RAP1B: variants seen among roughly 807,000 people sequenced by gnomAD.
The protein encoded by RAP1B is RAP1B, member of RAS oncogene family.
A neutral mutation model predicts 27.5 loss-of-function variants in RAP1B; 1 was observed. That is an observed-to-expected ratio of 0.04 (90% CI 0.01 to 0.17). RAP1B has a LOEUF of 0.17. RAP1B is among the 10% of genes least tolerant of loss of function. The pLI is 1.00. For missense variants in RAP1B, 84 were observed against 214.8 expected (o/e 0.39, Z 3.81); for synonymous variants, 75 against 73.1 (o/e 1.03, Z -0.13).
chr12:68,662,430 T>C lies in RAP1B; in HGVS notation c.*3181T>C, dbSNP rs1007187371. The C allele has an allele frequency of 6.6e-6, 1 of 152,094 alleles. No homozygotes were observed. The highest frequency in any genetic ancestry group is 2.4e-5 in the African/African-American group (1 of 41,432). 9.4% of individuals were successfully genotyped at this position (152,094 alleles called of 1,614,324 possible). A position where few individuals can be genotyped will look rare whatever the true frequency, so the allele number is the denominator to read the frequency against. Reference sequence around the variant, plus strand: ...TTCTTAAACGTAAATAGCTCATCTTTACCATATGTGGGCATTACAAATAGA... The same window carrying C: ...TTCTTAAACGTAAATAGCTCATCTTCACCATATGTGGGCATTACAAATAGA... On this transcript the variant is annotated 3_prime_UTR_variant, in exon 8 of 8. Coordinates refer to ENST00000250559, the MANE Select transcript of RAP1B (RefSeq NM_001010942.3).
intron 1 of RAP1B, chr12:68,624,445 C>A (rs189668791): frequency 4.9e-4 from 74 of 152,036 alleles, no homozygotes; most frequent in African/African-American, 1.7e-3. Flanking sequence ...TGTAAGAATA[C>A]AATAGATTAG....
chr12:68,655,981 A>G (rs1874176616), intron 5 of RAP1B, among the ~76,000 whole-genome samples: 1 of 152,148 alleles, frequency 6.6e-6, no homozygotes. Flanking sequence ...TTTATGTAAA[A>G]GTGTCTTATT....
intron 1 of RAP1B, among the ~76,000 whole-genome samples, chr12:68,635,800 G>A (rs1262785170): frequency 6.6e-6 from 1 of 151,974 alleles, no homozygotes; most frequent in African/African-American, 2.4e-5. Context: ...ATTTCAAACT[G>A]GGGTTAGGGG....
chr12:68,612,162 G>A (rs1870650115), intron 1 of RAP1B, among the ~76,000 whole-genome samples: 1 of 152,112 alleles, frequency 6.6e-6, no homozygotes, highest in South Asian at 2.1e-4. Context: ...AATTAATTCC[G>A]TCTAATTGGA....
At chr12:68,645,339 C>T (rs1047258901) in intron 1 of RAP1B, among the ~76,000 whole-genome samples, 1 of 152,244 alleles carries the variant, frequency 6.6e-6, no homozygotes, top group Non-Finnish European at 1.5e-5. Context: ...GCTGTGCTGT[C>T]AAAATTGTCC....
chr12:68,658,196 A>G (rs556053277), intron 7 of RAP1B, among the ~76,000 whole-genome samples: 2 of 152,354 alleles, frequency 1.3e-5, no homozygotes, highest in South Asian at 4.1e-4. Context: ...CAGTGCTGCC[A>G]TAGCACTTTG....
intron 1 of RAP1B, among the ~76,000 whole-genome samples, chr12:68,611,304 G>A (rs961860248): frequency 2.7e-5 from 4 of 150,870 alleles, no homozygotes; most frequent in African/African-American, 9.7e-5. Flanking sequence ...TGCGGAAGGG[G>A]TCAAATGTCT....
chr12:68,636,933 C>T (rs1230804863), intron 1 of RAP1B, among the ~76,000 whole-genome samples: 1 of 152,126 alleles, frequency 6.6e-6, no homozygotes, highest in African/African-American at 2.4e-5. Flanking sequence ...AGATTCCAGG[C>T]ATGAGCCACC....
chr12:68,638,918 C>A (rs558786800), intron 1 of RAP1B, among the ~76,000 whole-genome samples: 1 of 152,112 alleles, frequency 6.6e-6, no homozygotes, highest in African/African-American at 2.4e-5. Context: ...GCCTCGGCCC[C>A]GCAAAGTGCT....
intron 1 of RAP1B, among the ~76,000 whole-genome samples, chr12:68,641,716 T>A (rs556493771): frequency 3.6e-4 from 54 of 151,854 alleles, no homozygotes; most frequent in African/African-American, 1.3e-3. Context: ...CCAAAAAATA[T>A]ATTCAAAGAT....
chr12:68,630,380 G>A (rs987337116), intron 1 of RAP1B, among the ~76,000 whole-genome samples: 1 of 152,100 alleles, frequency 6.6e-6, no homozygotes, highest in African/African-American at 2.4e-5. Context: ...AACTTTATGA[G>A]TGTGACTGTG....
rs1169818193 is a variant in RAP1B, at chr12:68,670,383, CAG to C, written c.*11135_*11136del. 6.6e-6 allele frequency: 1 copy of C among 152,078 alleles called. No individual in the cohort carries two copies. 9.4% of individuals were successfully genotyped at this position (152,078 alleles called of 1,614,324 possible). ...AATGTTTTCAAGCTATAAAGTAAAACAGTAGAAGTCTTAGAAGAAAATCTAAG... is the reference window on the plus strand; with the variant it reads ...AATGTTTTCAAGCTATAAAGTAAAACTAGAAGTCTTAGAAGAAAATCTAAG... On this transcript the variant is annotated 3_prime_UTR_variant, in exon 8 of 8. Coordinates refer to ENST00000250559, the MANE Select transcript of RAP1B (RefSeq NM_001010942.3).
In RAP1B at chr12:68,667,686, G is replaced by C. The variant is rs1255941551; in HGVS notation, c.*8437G>C. ...CTTACAGTTCCCAGAAGTCAATTCAGTCATTCTCTATAAGAGCTGTTGTGG... is the reference window on the plus strand; with the variant it reads ...CTTACAGTTCCCAGAAGTCAATTCACTCATTCTCTATAAGAGCTGTTGTGG... On this transcript the variant is annotated 3_prime_UTR_variant, in exon 8 of 8. Coordinates refer to ENST00000250559, the MANE Select transcript of RAP1B (RefSeq NM_001010942.3). The C allele has an allele frequency of 6.6e-6, 1 of 152,174 alleles. No individual in the cohort carries two copies. Among genetic ancestry groups the C allele is most frequent in the Non-Finnish European group, 1.5e-5 (1 of 68,034 alleles). The allele number at this position is 152,174 out of a possible 1,614,324, so 9.4% of individuals were successfully genotyped here. A position where few individuals can be genotyped will look rare whatever the true frequency, so the allele number is the denominator to read the frequency against.
intron 1 of RAP1B, chr12:68,624,809 C>G (rs1056793217): frequency 2.0e-5 from 3 of 152,246 alleles, no homozygotes; most frequent in Admixed American, 2.0e-4. Flanking sequence ...AGTGAGACTC[C>G]GTCTCAAACA....
chr12:68,614,055 A>C (rs1284804914), intron 1 of RAP1B, among the ~76,000 whole-genome samples: 1 of 152,206 alleles, frequency 6.6e-6, no homozygotes, highest in Non-Finnish European at 1.5e-5. Flanking sequence ...CTTCCTATCT[A>C]ATTCAAGATT....
chr12:68,656,632 A>G (rs1051132339), intron 6 of RAP1B, 183 bp downstream of exon 6: 2 of 624,442 alleles, frequency 3.2e-6, no homozygotes, highest in Non-Finnish European at 5.5e-6. Flanking sequence ...TTCAGTCTCT[A>G]TTAAATACTT....
At chr12:68,632,942 G>T (rs528338858) in intron 1 of RAP1B, among the ~76,000 whole-genome samples, 2 of 152,238 alleles carry the variant, frequency 1.3e-5, no homozygotes, top group Admixed American at 6.5e-5. Context: ...AAGTAACTGG[G>T]ACTATAGATG....
intron 1 of RAP1B, among the ~76,000 whole-genome samples, chr12:68,626,353 T>C (rs1269049689): frequency 6.6e-6 from 1 of 152,246 alleles, no homozygotes; most frequent in East Asian, 1.9e-4. Context: ...GCTTGAAATA[T>C]GTGAAAGTAG....
intron 1 of RAP1B, among the ~76,000 whole-genome samples, chr12:68,637,942 T>C (rs1872744358): frequency 6.6e-6 from 1 of 152,106 alleles, no homozygotes; most frequent in South Asian, 2.1e-4. Context: ...ATGAGTTAAT[T>C]TGTTTGCTTT....
Sources: gnomAD v4.1 joint callset for allele counts (sites outside exome capture counted in the v4.1 genomes callset) on GRCh38, gnomAD v4.1.1 for gene constraint, MANE v1.5 for transcripts, NCBI Gene and HGNC (gene_info 2026-07-23, HGNC 2026-07-21) for gene names.